CIBAR2: variants seen among roughly 807,000 people sequenced by gnomAD.
CIBAR2 encodes the protein CBY1-interacting BAR domain-containing protein 2.
In CIBAR2, 38 loss-of-function variants were observed where a neutral mutation model predicts 36.2. That is an observed-to-expected ratio of 1.05 (90% CI 0.81 to 1.38). The LOEUF is 1.38. Ranked by LOEUF, CIBAR2 falls within the 40% of genes most tolerant of loss-of-function variation. CIBAR2 has a pLI of 0.00. For missense variants in CIBAR2, 481 were observed against 383.4 expected, an observed-to-expected ratio of 1.25 and a Z score of -2.13; for synonymous variants, 182 against 149.5, an observed-to-expected ratio of 1.22 and a Z score of -1.58.
In CIBAR2 at chr16:85,098,683, T is replaced by A; in HGVS notation, c.*502A>T. On this transcript the variant is annotated 3_prime_UTR_variant, in exon 9 of 9. Transcript: ENST00000539556. ...GCTCCATATGGTGCTCTGAGCACTC[T>A]AAATAATAATAATAATAAAACGACA... 2 of 936,802 alleles carry A rather than the reference T, an allele frequency of 2.1e-6. No individual in the cohort carries two copies. The highest frequency in any genetic ancestry group is 2.5e-6 in the Non-Finnish European group (2 of 785,472). 58.0% of individuals were successfully genotyped at this position (936,802 alleles called of 1,614,324 possible).
chr16:85,108,194 G>T lies in CIBAR2; in HGVS notation c.256-95C>A, dbSNP rs2074012849. 5.9e-6 allele frequency: 7 copies of T among 1,181,518 alleles called. No homozygotes were observed. The Admixed American group carries it at 9.3e-5, about 16-fold the overall frequency. 73.2% of individuals were successfully genotyped at this position (1,181,518 alleles called of 1,614,324 possible). A position where few individuals can be genotyped will look rare whatever the true frequency, so the allele number is the denominator to read the frequency against. ...CAGAGCCGGCACCCGGGAGCCGCGTGTCCAGAGCTGTGCGGCGGGAGGTGG... is the reference window on the plus strand; with the variant it reads ...CAGAGCCGGCACCCGGGAGCCGCGTTTCCAGAGCTGTGCGGCGGGAGGTGG... On this transcript the variant is annotated intron_variant, in intron 2 of 8. Transcript: ENST00000539556.
rs1011987489 is a variant in CIBAR2, at chr16:85,100,372, C to G, written c.652-132G>C. ...TGCTCATGGAACTCCACGGTCCTCT[C>G]CAGGAGCTTCCTGTTTCTTATTTCA... On this transcript the variant is annotated intron_variant, in intron 7 of 8. Transcript: ENST00000539556. 4 of 567,072 alleles carry G rather than the reference C, an allele frequency of 7.1e-6. No individual in the cohort carries two copies. In the African/African-American group the frequency reaches 7.6e-5, roughly 11 times the overall value. The allele number at this position is 567,072 out of a possible 1,614,324, so 35.1% of individuals were successfully genotyped here.
chr16:85,108,103 G>A lies in CIBAR2; in HGVS notation c.256-4C>T. 1 of 1,606,926 alleles carries A rather than the reference G, an allele frequency of 6.2e-7. No individual in the cohort carries two copies. The highest frequency in any genetic ancestry group is 8.5e-7 in the Non-Finnish European group (1 of 1,176,454). On this transcript the variant is annotated splice_polypyrimidine_tract_variant and splice_region_variant and intron_variant, in intron 2 of 8. Transcript: ENST00000539556. ...CCTTGGTCTCCAGCCTCTCGACCTGGGGGAGCGGGGACACCAGGGGATCTG... is the reference window on the plus strand; with the variant it reads ...CCTTGGTCTCCAGCCTCTCGACCTGAGGGAGCGGGGACACCAGGGGATCTG...
Position 85,108,116 on chromosome 16 carries a change from A to C in CIBAR2, c.256-17T>G. On this transcript the variant is annotated splice_polypyrimidine_tract_variant and intron_variant, in intron 2 of 8. Transcript: ENST00000539556. ...CCTCTCGACCTGGGGGAGCGGGGAC[A>C]CCAGGGGATCTGAGCGCAGGGTGCT... 1 of 1,600,488 alleles carries C rather than the reference A, an allele frequency of 6.2e-7. No individual in the cohort carries two copies. The highest frequency in any genetic ancestry group is 8.5e-7 in the Non-Finnish European group (1 of 1,173,492).
At chr16:85,106,737 C>T (rs961243115) in intron 5 of CIBAR2, among the ~76,000 whole-genome samples, 7 of 152,184 alleles carry the variant, frequency 4.6e-5, no homozygotes, top group Admixed American at 2.6e-4. Context: ...GGTGAGAGTC[C>T]GTCGTCATTT....
intron 1 of CIBAR2, among the ~76,000 whole-genome samples, chr16:85,111,718 C>A (rs553127645): frequency 1.1e-3 from 167 of 152,354 alleles, no homozygotes; most frequent in African/African-American, 3.9e-3. Flanking sequence ...TAATAGCACG[C>A]CTGTAGTCCC....
At chr16:85,105,720 C>A (rs1451536208) in intron 5 of CIBAR2, among the ~76,000 whole-genome samples, 2 of 152,212 alleles carry the variant, frequency 1.3e-5, no homozygotes, top group Non-Finnish European at 2.9e-5. Context: ...AGTAATGAGA[C>A]TTGCTTAGCA....
intron 7 of CIBAR2, among the ~76,000 whole-genome samples, chr16:85,100,899 T>A (rs1395872064): frequency 6.6e-6 from 1 of 151,992 alleles, no homozygotes; most frequent in East Asian, 1.9e-4. Context: ...TACATAACAT[T>A]AGCTGGGCGT....
At chr16:85,100,414 C>T (rs1442419585) in intron 7 of CIBAR2, among the ~76,000 whole-genome samples, 174 bp from the exon 8 acceptor site, 1 of 152,162 alleles carries the variant, frequency 6.6e-6, no homozygotes, top group Non-Finnish European at 1.5e-5. Context: ...CTACAGCAGC[C>T]CGGTGAGTGG....
chr16:85,102,879 C>T (rs967836433), intron 6 of CIBAR2, among the ~76,000 whole-genome samples: 1 of 150,698 alleles, frequency 6.6e-6, no homozygotes, highest in Admixed American at 6.6e-5. Context: ...TGCTAACAAT[C>T]GGTCCTGGAG....
chr16:85,107,599 C>A (rs1016041016), intron 5 of CIBAR2, 68 bp downstream of exon 5: 222 of 1,548,366 alleles, frequency 1.4e-4, no homozygotes, highest in Non-Finnish European at 1.9e-4. Flanking sequence ...GTCTACCTGG[C>A]CGTTTTGTGA....
chr16:85,107,552 G>T (rs528662926), intron 5 of CIBAR2, 115 bp downstream of exon 5: 1 of 1,174,082 alleles, frequency 8.5e-7, no homozygotes. Flanking sequence ...CAACCTGAGC[G>T]CAAGGTCCTG....
At chr16:85,111,873 A>G (rs1318254611) in intron 1 of CIBAR2, among the ~76,000 whole-genome samples, 1 of 152,124 alleles carries the variant, frequency 6.6e-6, no homozygotes, top group Non-Finnish European at 1.5e-5. Flanking sequence ...ATAAAAACAC[A>G]TTGGTTGCTT....
At chr16:85,105,847 C>T (rs1464969167) in intron 5 of CIBAR2, among the ~76,000 whole-genome samples, 1 of 152,196 alleles carries the variant, frequency 6.6e-6, no homozygotes, top group African/African-American at 2.4e-5. Context: ...CTCTTTCGTT[C>T]CTTTGATCAA....
chr16:85,099,180 C>A lies in CIBAR2; in HGVS notation c.*5G>T. On this transcript the variant is annotated 3_prime_UTR_variant, in exon 9 of 9. Coordinates refer to ENST00000539556, the MANE Select transcript of CIBAR2 (RefSeq NM_198491.3). ...ACGGCTTGGGATTGCACTTACCCTA[C>A]GTCGTTAGAGAGAATGTCCTGGAAG... The A allele has an allele frequency of 1.3e-6, 2 of 1,555,112 alleles. No individual in the cohort carries two copies. The highest frequency in any genetic ancestry group is 1.7e-6 in the Non-Finnish European group (2 of 1,152,878).
Position 85,098,610 on chromosome 16 carries a change from G to A in CIBAR2, c.*575C>T. On this transcript the variant is annotated 3_prime_UTR_variant, in exon 9 of 9. Coordinates refer to ENST00000539556, the MANE Select transcript of CIBAR2 (RefSeq NM_198491.3). ...CCAGTGCCCTGAGGTCCTCCACGGG[G>A]GCCTCCTCCATGGAGTTGTCCTCAC... The A allele has an allele frequency of 1.0e-5, 10 of 985,906 alleles. No homozygotes were observed. The highest frequency in any genetic ancestry group is 1.2e-5 in the Non-Finnish European group (10 of 830,000). 61.1% of individuals were successfully genotyped at this position (985,906 alleles called of 1,614,324 possible). A position where few individuals can be genotyped will look rare whatever the true frequency, so the allele number is the denominator to read the frequency against.
chr16:85,107,622 C>T, intron 5 of CIBAR2, 45 bp downstream of exon 5: 3 of 1,607,602 alleles, frequency 1.9e-6, no homozygotes, highest in Non-Finnish European at 2.6e-6. Flanking sequence ...TCGTGTATTT[C>T]CTACGTGTGA....
intron 8 of CIBAR2, among the ~76,000 whole-genome samples, chr16:85,099,564 C>A (rs2073937815): frequency 6.6e-6 from 1 of 151,828 alleles, no homozygotes; most frequent in Non-Finnish European, 1.5e-5. Flanking sequence ...GGACCCATGG[C>A]AGCCACGGCA....
chr16:85,099,353 A>C lies in CIBAR2; in HGVS notation c.754-7T>G. The C allele has an allele frequency of 6.8e-7, 1 of 1,464,354 alleles. No individual in the cohort carries two copies. The highest frequency in any genetic ancestry group is 9.6e-7 in the Non-Finnish European group (1 of 1,043,410). The allele number at this position is 1,464,354 out of a possible 1,614,324, so 90.7% of individuals were successfully genotyped here. On this transcript the variant is annotated splice_region_variant and splice_polypyrimidine_tract_variant and intron_variant, in intron 8 of 8. Transcript: ENST00000539556. Reference sequence around the variant, plus strand: ...GCTGGACCTGCAGAGTTCCCTGCAGAAATATAAATGCACCTGATGGCAGGC... The same window carrying C: ...GCTGGACCTGCAGAGTTCCCTGCAGCAATATAAATGCACCTGATGGCAGGC...
Sources: gnomAD v4.1 joint callset for allele counts (sites outside exome capture counted in the v4.1 genomes callset) on GRCh38, gnomAD v4.1.1 for gene constraint, MANE v1.5 for transcripts, NCBI Gene and HGNC (gene_info 2026-07-23, HGNC 2026-07-21) for gene names.